Variants in RBFOX1 observed in about 807,000 individuals in gnomAD.
RBFOX1 encodes RNA binding protein fox-1 homolog 1.
In RBFOX1, 8 loss-of-function variants were observed where a neutral mutation model predicts 57.7. The observed-to-expected ratio is 0.14, with a 90% CI of 0.08 to 0.25. The LOEUF (loss-of-function observed/expected upper bound fraction) is 0.25, where lower values mean the gene tolerates loss of function less well. RBFOX1 is among the 10% of genes least tolerant of loss of function. RBFOX1 has a pLI of 1.00. For missense variants in RBFOX1, 611 were observed against 548.5 expected (o/e 1.11, Z -1.14); for synonymous variants, 326 against 222.4 (o/e 1.47, Z -4.15).
rs78636255 is a variant in RBFOX1, at chr16:5,841,307, G to C, written c.319-25996G>C. Among the ~76,000 whole-genome samples, 576 of 152,272 alleles carry C rather than the reference G, an allele frequency of 3.8e-3. 5 individuals are homozygous for C. Among genetic ancestry groups the C allele is most frequent in the African/African-American group, 0.013 (561 of 41,558 alleles). On this transcript the variant is annotated intron_variant, in intron 3 of 19. Coordinates refer to the RBFOX1 transcript ENST00000641259. ...CAGAGCCAGGATTTGAACCCACACAGCTGGATTCAGGGAATGTTCTTATCA... is the reference window on the plus strand; with the variant it reads ...CAGAGCCAGGATTTGAACCCACACACCTGGATTCAGGGAATGTTCTTATCA...
chr16:5,893,632 C>T (rs561255984), intron 4 of RBFOX1, among the ~76,000 whole-genome samples: 125 of 152,216 alleles, frequency 8.2e-4, no homozygotes, highest in African/African-American at 2.9e-3. Context: ...CGTGGCAAAA[C>T]CCCGTCTCCA....
intron 3 of RBFOX1, among the ~76,000 whole-genome samples, chr16:5,696,780 C>G (rs938406313): frequency 1.3e-5 from 2 of 151,992 alleles, no homozygotes; most frequent in African/African-American, 4.8e-5. Flanking sequence ...TGAAGACTTT[C>G]TTCATGTCTG....
intron 3 of RBFOX1, among the ~76,000 whole-genome samples, chr16:5,716,615 G>GT (rs2051710362): frequency 6.6e-6 from 1 of 152,250 alleles, no homozygotes; most frequent in Non-Finnish European, 1.5e-5. Context: ...TAGGAGGATT[G>GT]TAAATTAGTT....
chr16:7,332,640 C>G (rs1161118802), intron 4 of RBFOX1: 2 of 445,642 alleles, frequency 4.5e-6, no homozygotes, highest in Admixed American at 4.9e-5. Context: ...GCCTGGTTCC[C>G]TCTGTCACTT....
chr16:5,712,740 A>G (rs2051539691), intron 3 of RBFOX1, among the ~76,000 whole-genome samples: 1 of 152,218 alleles, frequency 6.6e-6, no homozygotes. Flanking sequence ...ATCCAGCTGC[A>G]AGGAAGCCAG....
At chr16:6,043,216 T>C (rs771948331) in intron 1 of RBFOX1, among the ~76,000 whole-genome samples, 1 of 145,650 alleles carries the variant, frequency 6.9e-6, no homozygotes, top group Non-Finnish European at 1.5e-5. Flanking sequence ...AGCTTTCAGA[T>C]AGCAGGCTTC....
At chr16:7,280,450 A>C (rs188965677) in intron 4 of RBFOX1, among the ~76,000 whole-genome samples, 1 of 152,204 alleles carries the variant, frequency 6.6e-6, no homozygotes, top group Non-Finnish European at 1.5e-5. Flanking sequence ...TTGTCCAAAG[A>C]GAATAATAAG....
intron 4 of RBFOX1, among the ~76,000 whole-genome samples, chr16:7,057,625 A>G (rs894480311): frequency 8.5e-5 from 13 of 152,200 alleles, no homozygotes; most frequent in Non-Finnish European, 1.5e-4. Flanking sequence ...TGTCCAGGGA[A>G]GTGGTATGAA....
intron 1 of RBFOX1, among the ~76,000 whole-genome samples, chr16:6,121,545 T>C (rs1380553495): frequency 2.0e-5 from 3 of 152,210 alleles, no homozygotes; most frequent in African/African-American, 7.2e-5. Context: ...TTTTGCTGTG[T>C]CTGACTGTGT....
intron 3 of RBFOX1, among the ~76,000 whole-genome samples, chr16:6,841,462 A>G (rs962041156): frequency 1.6e-4 from 24 of 152,140 alleles, no homozygotes; most frequent in African/African-American, 4.1e-4. Flanking sequence ...TAAAACCCTC[A>G]TGCAACCTGA....
Position 7,202,395 on chromosome 16 carries a change from C to G in RBFOX1, c.27+150297C>G, listed in dbSNP as rs149295198. 2.6e-5 allele frequency among the ~76,000 whole-genome samples: 4 copies of G among 151,168 alleles called. No homozygotes were observed. In the East Asian group the frequency reaches 7.8e-4, roughly 29 times the overall value. On this transcript the variant is annotated intron_variant, in intron 4 of 15. Coordinates refer to ENST00000550418, the MANE Select transcript of RBFOX1 (RefSeq NM_018723.4). The stretch of plus-strand genomic sequence containing the variant: ...CTGTGGGTAGGAAGGTAAAATAGTA[C>G]AGGTGCTGTGGAAGACAGCATGGAG...
At chr16:7,674,829 C>G (rs1406307554) in intron 13 of RBFOX1, among the ~76,000 whole-genome samples, 1 of 152,192 alleles carries the variant, frequency 6.6e-6, no homozygotes, top group Non-Finnish European at 1.5e-5. Context: ...ATTTATCGGA[C>G]TCGCTGCCTT....
chr16:7,659,855 G>GA (rs1187060330), intron 12 of RBFOX1, among the ~76,000 whole-genome samples: 3 of 152,132 alleles, frequency 2.0e-5, no homozygotes, highest in Admixed American at 1.3e-4. Flanking sequence ...GGGAGAATGT[G>GA]AAAAGACATT....
intron 3 of RBFOX1, among the ~76,000 whole-genome samples, chr16:6,772,532 C>T (rs112833133): frequency 7.6e-5 from 10 of 131,638 alleles, no homozygotes; most frequent in South Asian, 2.6e-4. Context: ...GGGTATGGGG[C>T]GCATTTGTGA....
rs186042014 is a variant in RBFOX1, at chr16:7,558,384, G to T, written c.271-21393G>T. Among the ~76,000 whole-genome samples the T allele has an allele frequency of 3.3e-5, 5 of 151,272 alleles. No individual in the cohort carries two copies. In the East Asian group the frequency reaches 7.8e-4, roughly 24 times the overall value. The stretch of plus-strand genomic sequence containing the variant: ...AAGACATACATATATATATACACGC[G>T]CACACACTCACACACATATATATTT... On this transcript the variant is annotated intron_variant, in intron 5 of 15. Coordinates refer to ENST00000550418, the MANE Select transcript of RBFOX1 (RefSeq NM_018723.4).
chr16:6,877,307 T>A (rs1386587975), intron 3 of RBFOX1, among the ~76,000 whole-genome samples: 1 of 152,218 alleles, frequency 6.6e-6, no homozygotes, highest in African/African-American at 2.4e-5. Flanking sequence ...TATCTAGTTT[T>A]ATGTGTGCAT....
At position 7,438,097 on chromosome 16, in the gene RBFOX1, C is replaced by G. The variant is rs1413243458; in HGVS notation, c.28-80050C>G. Among the ~76,000 whole-genome samples the G allele has an allele frequency of 3.3e-5, 5 of 152,240 alleles. No homozygotes were observed. In the East Asian group the frequency reaches 7.7e-4, roughly 24 times the overall value. On this transcript the variant is annotated intron_variant, in intron 4 of 15. Coordinates refer to ENST00000550418, the MANE Select transcript of RBFOX1 (RefSeq NM_018723.4). Reference sequence around the variant, plus strand: ...ATGGGACTTGCTCCGCGATGCTTGTCTGACATCAGCTATTAAAATACAAGT... The same window carrying G: ...ATGGGACTTGCTCCGCGATGCTTGTGTGACATCAGCTATTAAAATACAAGT...
chr16:5,945,468 G>A (rs1175903816), intron 4 of RBFOX1, among the ~76,000 whole-genome samples: 2 of 152,232 alleles, frequency 1.3e-5, no homozygotes, highest in Non-Finnish European at 2.9e-5. Context: ...CATCTATTGA[G>A]CTCTAGGCAT....
At chr16:7,251,173 C>A (rs1168831184) in intron 4 of RBFOX1, among the ~76,000 whole-genome samples, 1 of 152,112 alleles carries the variant, frequency 6.6e-6, no homozygotes, top group Non-Finnish European at 1.5e-5. Flanking sequence ...TCACCAACCC[C>A]AATCCCACCC....
Sources: gnomAD v4.1 joint callset for allele counts (sites outside exome capture counted in the v4.1 genomes callset) on GRCh38, gnomAD v4.1.1 for gene constraint, MANE v1.5 for transcripts, NCBI Gene and HGNC (gene_info 2026-07-23, HGNC 2026-07-21) for gene names.